Variants in CDK19 observed in about 807,000 individuals in gnomAD.
CDK19 encodes the protein cyclin dependent kinase 19, also known as cyclin-dependent kinase 19.
CDK19 carries 20 observed loss-of-function variants against 68.3 expected under a neutral mutation model. That is an observed-to-expected ratio of 0.29 (90% CI 0.21 to 0.43). CDK19 has a LOEUF of 0.43. Ranked by LOEUF, CDK19 falls within the 20% of genes least tolerant of loss-of-function variation. CDK19 has a pLI of 1.00. For synonymous variants in CDK19, 221 were observed against 222.8 expected (o/e 0.99, Z 0.07); for missense variants, 339 against 623.5 (o/e 0.54, Z 4.86).
chr6:110,770,014 A>G (rs1474580400), intron 1 of CDK19, among the ~76,000 whole-genome samples: 6 of 152,336 alleles, frequency 3.9e-5, no homozygotes, highest in African/African-American at 1.4e-4. Flanking sequence ...AGGTTTGGGA[A>G]GTAAAATTGT....
At chr6:110,701,692 T>C (rs1774022969) in intron 2 of CDK19, among the ~76,000 whole-genome samples, 4 of 152,078 alleles carry the variant, frequency 2.6e-5, no homozygotes, top group African/African-American at 7.2e-5. Context: ...AGAATGCAAA[T>C]TGAAGCAATG....
chr6:110,779,254 A>G (rs1780626223), intron 1 of CDK19, among the ~76,000 whole-genome samples: 1 of 152,176 alleles, frequency 6.6e-6, no homozygotes, highest in Admixed American at 6.6e-5. Flanking sequence ...TTGCACAGGT[A>G]TATACACTTT....
chr6:110,690,592 T>C (rs1772900069), intron 2 of CDK19, among the ~76,000 whole-genome samples: 2 of 152,118 alleles, frequency 1.3e-5, no homozygotes, highest in South Asian at 4.1e-4. Context: ...GTAAATAAAA[T>C]ACTGGGGAAA....
At chr6:110,797,984 CAAAAAAAAAAA>C (rs56710819) in intron 1 of CDK19, among the ~76,000 whole-genome samples, 1 of 87,256 alleles carries the variant, frequency 1.1e-5, no homozygotes, top group African/African-American at 4.3e-5. Flanking sequence ...GACTCCGTCT[CAAAAAAAAAAA>C]AAAAAAAAAA....
intron 2 of CDK19, among the ~76,000 whole-genome samples, chr6:110,687,471 T>C (rs899964085): frequency 3.9e-5 from 6 of 152,172 alleles, no homozygotes; most frequent in African/African-American, 1.4e-4. Context: ...ACAGTAGTAA[T>C]AAGGAAAGCA....
chr6:110,623,359 A>G lies in CDK19; in HGVS notation c.864T>C (p.Tyr288=), dbSNP rs776221352. The change falls in exon 9 of 13, where the codon TAT becomes TAC. Residue 288 remains tyrosine (Y), a synonymous_variant. Transcript: ENST00000368911. Reference sequence around the variant, plus strand: ...TGTACTTTATGAGGCTACTGTTGGCATACCTGCAAGGACACGCACAGTCAC... The same window carrying G: ...TGTACTTTATGAGGCTACTGTTGGCGTACCTGCAAGGACACGCACAGTCAC... ...TLQKDFRRTT[Y]ANSSLIKYME... is the part of the protein sequence containing the mutation. The G allele has an allele frequency of 3.1e-6, 5 of 1,613,638 alleles. No homozygotes were observed. Among genetic ancestry groups the G allele is most frequent in the Non-Finnish European group, 4.2e-6 (5 of 1,179,776 alleles).
chr6:110,669,115 T>C (rs934163565), intron 3 of CDK19, among the ~76,000 whole-genome samples: 1 of 152,052 alleles, frequency 6.6e-6, no homozygotes, highest in Non-Finnish European at 1.5e-5. Flanking sequence ...TTGGTTGACA[T>C]ATAGGGGAAT....
chr6:110,648,529 TTTTC>T (rs1290108152), intron 4 of CDK19, among the ~76,000 whole-genome samples: 1 of 146,756 alleles, frequency 6.8e-6, no homozygotes, highest in African/African-American at 2.5e-5. Context: ...ATGAAATCTT[TTTTC>T]TTTTCTTTTT....
At chr6:110,681,814 T>C (rs1232624124) in intron 2 of CDK19, among the ~76,000 whole-genome samples, 1 of 152,202 alleles carries the variant, frequency 6.6e-6, no homozygotes, top group African/African-American at 2.4e-5. Flanking sequence ...ACTCACAGCA[T>C]AGTAACATGA....
chr6:110,743,949 T>A (rs1183279625), intron 2 of CDK19, among the ~76,000 whole-genome samples: 1 of 150,720 alleles, frequency 6.6e-6, no homozygotes, highest in East Asian at 2.0e-4. Flanking sequence ...GTAAGGATTT[T>A]AAAATGTGAC....
intron 2 of CDK19, among the ~76,000 whole-genome samples, chr6:110,721,415 C>T (rs1480654785): frequency 1.3e-5 from 2 of 152,060 alleles, no homozygotes; most frequent in Admixed American, 6.6e-5. Context: ...AAGGCCTCTC[C>T]AACCATATCA....
intron 1 of CDK19, among the ~76,000 whole-genome samples, chr6:110,791,931 C>G (rs1396591161): frequency 6.6e-6 from 1 of 152,172 alleles, no homozygotes; most frequent in East Asian, 1.9e-4. Context: ...CAGGCATAAG[C>G]CACCAAGCCC....
intron 1 of CDK19, among the ~76,000 whole-genome samples, chr6:110,748,168 T>C (rs1375411432): frequency 6.6e-6 from 1 of 152,214 alleles, no homozygotes; most frequent in East Asian, 1.9e-4. Context: ...AATTGCATAG[T>C]TTTATTTTTA....
At chr6:110,708,085 T>A (rs1255345781) in intron 2 of CDK19, among the ~76,000 whole-genome samples, 1 of 152,178 alleles carries the variant, frequency 6.6e-6, no homozygotes, top group Non-Finnish European at 1.5e-5. Context: ...CTCCTTAAGA[T>A]AAAAATACCC....
chr6:110,720,530 T>TA (rs1340560167), intron 2 of CDK19, among the ~76,000 whole-genome samples: 1 of 152,142 alleles, frequency 6.6e-6, no homozygotes, highest in Non-Finnish European at 1.5e-5. Flanking sequence ...AGCATGCTGT[T>TA]AAACGACAAA....
At chr6:110,615,488 G>T (rs1387107389) in intron 12 of CDK19, among the ~76,000 whole-genome samples, 1 of 152,166 alleles carries the variant, frequency 6.6e-6, no homozygotes, top group African/African-American at 2.4e-5. Flanking sequence ...AGCAAAGTGG[G>T]AAAGAATATA....
chr6:110,640,115 G>C (rs1307201854), intron 4 of CDK19, among the ~76,000 whole-genome samples: 2 of 151,836 alleles, frequency 1.3e-5, no homozygotes, highest in African/African-American at 4.8e-5. Flanking sequence ...CTGCTACTCA[G>C]GAGGCTGAGG....
At chr6:110,724,944 A>G (rs2114765224) in intron 2 of CDK19, among the ~76,000 whole-genome samples, 1 of 152,312 alleles carries the variant, frequency 6.6e-6, no homozygotes, top group East Asian at 1.9e-4. Flanking sequence ...GGAGTCTTTC[A>G]AAATGGCACT....
intron 1 of CDK19, among the ~76,000 whole-genome samples, chr6:110,793,319 T>C (rs1583114730): frequency 1.3e-5 from 2 of 152,230 alleles, no homozygotes; most frequent in Non-Finnish European, 2.9e-5. Context: ...TATGACTCTG[T>C]TCTCTTCACT....
Sources: allele counts gnomAD v4.1 joint callset (sites outside exome capture counted in the v4.1 genomes callset), GRCh38; gene constraint gnomAD v4.1.1; transcripts MANE v1.5; gene names NCBI Gene and HGNC (gene_info 2026-07-23, HGNC 2026-07-21).